The following AHR variants were observed in gnomAD, a reference collection of about 807,000 sequenced individuals.
The protein encoded by AHR is AH-receptor.
Under a neutral mutation model 86.8 loss-of-function variants are expected in AHR, and 40 were observed. That is an observed-to-expected ratio of 0.46 (90% CI 0.36 to 0.60). AHR has a LOEUF of 0.60. Among genes scored for constraint, AHR ranks in the 20% least tolerant of loss-of-function variants. The pLI, the probability that AHR is intolerant of heterozygous loss-of-function variation, is 0.00. For synonymous variants in AHR, 398 were observed against 354.9 expected (o/e 1.12, Z -1.37); for missense variants, 1,001 against 1,011.6 (o/e 0.99, Z 0.14).
At chr7:17,321,659 C>T (rs942373216) in intron 2 of AHR, among the ~76,000 whole-genome samples, 4 of 151,126 alleles carry the variant, frequency 2.6e-5, no homozygotes, top group South Asian at 2.1e-4. Context: ...TAACATGACA[C>T]CTCCAATAGT....
At chr7:17,307,398 T>C (rs1382963538) in intron 1 of AHR, among the ~76,000 whole-genome samples, 1 of 152,144 alleles carries the variant, frequency 6.6e-6, no homozygotes, top group Non-Finnish European at 1.5e-5. Flanking sequence ...GCAGAGTTGC[T>C]AATCCATTGT....
At chr7:17,299,454 C>T (rs12112861) in intron 1 of AHR, 125 bp downstream of exon 1, 30 of 1,107,910 alleles carry the variant, frequency 2.7e-5, no homozygotes, top group Non-Finnish European at 3.6e-5. Context: ...CGGCACTGCC[C>T]GTGGAATCGA....
rs182847559 is a variant in AHR at position 17,339,252 on chromosome 7, C to T, written c.1427C>T (p.Ser476Leu). Residue 476 changes from serine (S) to leucine (L), a missense_variant, in exon 10 of 11, where the codon TCA becomes TTA. Physicochemically the swap from Ser to Leu is moderately radical, Grantham distance 145. Around this residue, in one of 2 missense-constraint regions of AHR, gnomAD observed 607 missense variants for 543.1 expected, o/e 1.12. Coordinates refer to ENST00000242057, the MANE Select transcript of AHR (RefSeq NM_001621.5). ...TATCTCTATCCTGCTTCAAGTACTT[C>T]AAGTACTGCACCTTTTGAAAACAAC... ...SIYLYPASSTSSTAPFENNFF... is the reference protein window; with the variant it reads ...SIYLYPASSTLSTAPFENNFF... The T allele has an allele frequency of 4.3e-6, 7 of 1,614,148 alleles. No individual in the cohort carries two copies. In the Admixed American group the frequency reaches 6.7e-5, roughly 15 times the overall value.
intron 3 of AHR, among the ~76,000 whole-genome samples, chr7:17,324,779 G>C (rs550814646): frequency 6.6e-6 from 1 of 151,150 alleles, no homozygotes; most frequent in South Asian, 2.1e-4. Flanking sequence ...TCCAGCCCGG[G>C]TGACAATGCG....
Position 17,339,317 on chromosome 7 carries a change from G to A in AHR, c.1492G>A (p.Asp498Asn). The A allele has an allele frequency of 3.7e-6, 6 of 1,614,182 alleles. No individual in the cohort carries two copies. The highest frequency in any genetic ancestry group is 5.1e-6 in the Non-Finnish European group (6 of 1,180,038). The change falls in exon 10 of 11, where the codon GAT becomes AAT. Residue 498 changes from aspartate to asparagine, a missense_variant. By Grantham distance (23) the Asp-to-Asn change is conservative (BLOSUM62 1). Around this residue, in one of 2 missense-constraint regions of AHR, gnomAD observed 607 missense variants for 543.1 expected, o/e 1.12. Transcript: ENST00000242057. Reference protein sequence around the residue: ...ESMNECRNWQDNTAPMGNDTI... With the variant: ...ESMNECRNWQNNTAPMGNDTI... Reference sequence around the variant, plus strand: ...TATGAATGAATGCAGAAATTGGCAAGATAATACTGCACCGATGGGAAATGA... The same window carrying A: ...TATGAATGAATGCAGAAATTGGCAAAATAATACTGCACCGATGGGAAATGA...
chr7:17,323,293 T>A (rs1240514228), intron 3 of AHR, among the ~76,000 whole-genome samples: 1 of 152,146 alleles, frequency 6.6e-6, no homozygotes, highest in Non-Finnish European at 1.5e-5. Context: ...TTTAAAATAG[T>A]TCTTAACCCA....
chr7:17,339,109 A>G lies in AHR; in HGVS notation c.1284A>G (p.Pro428=). 1 of 1,614,114 alleles carries G rather than the reference A, an allele frequency of 6.2e-7. No individual in the cohort carries two copies. ...NPFPAIMDPL[P]LRTKNGTSGK... The stretch of plus-strand genomic sequence containing the variant: ...TTCCTGCCATAATGGATCCCTTACC[A>G]CTAAGGACTAAAAATGGCACTAGTG... Residue 428 remains proline, a synonymous_variant, in exon 10 of 11, where the codon CCA becomes CCG. Transcript: ENST00000242057.
At chr7:17,305,828 T>C (rs1782000115) in intron 1 of AHR, among the ~76,000 whole-genome samples, 1 of 152,164 alleles carries the variant, frequency 6.6e-6, no homozygotes, top group African/African-American at 2.4e-5. Context: ...CTACAAATGA[T>C]GAACCTCATA....
intron 6 of AHR, 57 bp downstream of exon 6, chr7:17,330,943 G>T: frequency 6.4e-7 from 1 of 1,557,292 alleles, no homozygotes; most frequent in South Asian, 1.2e-5. Context: ...AAAAGCTTGA[G>T]GCAAATTTAA....
intron 10 of AHR, among the ~76,000 whole-genome samples, chr7:17,340,776 T>C (rs1309304148): frequency 6.6e-6 from 1 of 152,176 alleles, no homozygotes; most frequent in East Asian, 1.9e-4. Context: ...CCATGTTCTC[T>C]AGCTATTCCT....
At chr7:17,318,358 A>G (rs977483590) in intron 2 of AHR, among the ~76,000 whole-genome samples, 1 of 152,254 alleles carries the variant, frequency 6.6e-6, no homozygotes, top group South Asian at 2.1e-4. Context: ...GCATGTGGGA[A>G]TAAAACTTGA....
Position 17,345,293 on chromosome 7 carries a change from T to A in AHR, c.*2229T>A, listed in dbSNP as rs373085152. The A allele has an allele frequency of 6.6e-6, 1 of 150,888 alleles. No individual in the cohort carries two copies. The highest frequency in any genetic ancestry group is 2.0e-4 in the East Asian group (1 of 5,100). 9.3% of individuals were successfully genotyped at this position (150,888 alleles called of 1,614,324 possible). A position where few individuals can be genotyped will look rare whatever the true frequency, so the allele number is the denominator to read the frequency against. ...GCCCCACTGCACTCCAGCCTGGCAA[T>A]AGACCGAGACTCCGTCTCCAAAAAA... is the stretch of plus-strand genomic sequence containing the variant. On this transcript the variant is annotated 3_prime_UTR_variant, in exon 11 of 11. Coordinates refer to ENST00000242057, the MANE Select transcript of AHR (RefSeq NM_001621.5).
Position 17,338,967 on chromosome 7 carries a change from T to A in AHR, c.1161-19T>A. 1 of 1,538,882 alleles carries A rather than the reference T, an allele frequency of 6.5e-7. No individual in the cohort carries two copies. Among genetic ancestry groups the A allele is most frequent in the South Asian group, 1.3e-5 (1 of 77,886 alleles). On this transcript the variant is annotated intron_variant, in intron 9 of 10. Transcript: ENST00000242057. ...TTTGATAGAATTTTTTTCTAAGACT[T>A]TTTTGTACACAATTTTAGAGATGAG...
At chr7:17,316,058 G>C (rs1398703203) in intron 2 of AHR, among the ~76,000 whole-genome samples, 2 of 152,150 alleles carry the variant, frequency 1.3e-5, no homozygotes, top group Non-Finnish European at 2.9e-5. Flanking sequence ...GAAATCTGTG[G>C]AGTATGAAAG....
Position 17,335,051 on chromosome 7 carries a change from C to T in AHR, c.1018+55C>T, listed in dbSNP as rs186170100. ...GAAGAAAACGGCATATACTGTTGTA[C>T]ATGTTTCAAATTCTTACGTAATGTA... is the stretch of plus-strand genomic sequence containing the variant. On this transcript the variant is annotated intron_variant, in intron 8 of 10. Coordinates refer to ENST00000242057, the MANE Select transcript of AHR (RefSeq NM_001621.5). 4.8e-5 allele frequency: 62 copies of T among 1,301,466 alleles called. No individual in the cohort carries two copies. The African/African-American group carries it at 6.9e-4, about 15-fold the overall frequency. 80.6% of individuals were successfully genotyped at this position (1,301,466 alleles called of 1,614,324 possible).
chr7:17,335,673 A>C lies in AHR; in HGVS notation c.1047A>C (p.Ile349=), dbSNP rs747954860. 6.2e-5 allele frequency: 98 copies of C among 1,585,234 alleles called. No individual in the cohort carries two copies. The highest frequency in any genetic ancestry group is 8.2e-5 in the Non-Finnish European group (96 of 1,163,826). Residue 349 remains isoleucine, a synonymous_variant, in exon 9 of 11, where the codon ATA becomes ATC. Transcript: ENST00000242057. ...RMIKTGESGM[I]VFRLLTKNNR... ...TTAAGACTGGAGAAAGTGGCATGAT[A>C]GTTTTCCGGCTTCTTACAAAAAACA...
intron 2 of AHR, among the ~76,000 whole-genome samples, chr7:17,312,018 A>T (rs558515494): frequency 5.3e-5 from 8 of 152,196 alleles, no homozygotes; most frequent in Non-Finnish European, 1.0e-4. Flanking sequence ...ATTGGGTCCA[A>T]CCCTAGACCT....
At chr7:17,329,903 AT>A (rs1782267792) in intron 4 of AHR, 48 bp from the exon 5 acceptor site, 2 of 1,529,638 alleles carry the variant, frequency 1.3e-6, no homozygotes, top group East Asian at 2.3e-5. Flanking sequence ...ATTTAGCCAT[AT>A]TTTTTAATCA....
At chr7:17,299,921 A>C (rs1781937676) in intron 1 of AHR, among the ~76,000 whole-genome samples, 1 of 152,206 alleles carries the variant, frequency 6.6e-6, no homozygotes, top group Non-Finnish European at 1.5e-5. Context: ...GGTAAAGTGG[A>C]TAGAAGTGGT....
Sources: gnomAD v4.1 joint callset for allele counts (sites outside exome capture counted in the v4.1 genomes callset) on GRCh38, gnomAD v4.1.1 for gene constraint, gnomAD v4.1.1 regional missense constraint, MANE v1.5 for transcripts, NCBI Gene and HGNC (gene_info 2026-07-23, HGNC 2026-07-21) for gene names.